Variants in SCAP observed in about 807,000 individuals in gnomAD.
SCAP encodes the protein sterol regulatory element-binding protein cleavage-activating protein.
In SCAP, 65 loss-of-function variants were observed where a neutral mutation model predicts 123.6. The observed-to-expected ratio is 0.53, with a 90% CI of 0.43 to 0.65. The LOEUF (loss-of-function observed/expected upper bound fraction) is 0.65. Among genes scored for constraint, SCAP ranks in the 30% least tolerant of loss-of-function variants. The pLI is 0.00. For synonymous variants in SCAP, 740 were observed against 726.3 expected (o/e 1.02, Z -0.30); for missense variants, 1,398 against 1,712.5 (o/e 0.82, Z 3.24).
intron 2 of SCAP, among the ~76,000 whole-genome samples, chr3:47,438,884 G>A (rs1706691487): frequency 6.6e-6 from 1 of 151,968 alleles, no homozygotes; most frequent in Non-Finnish European, 1.5e-5. Context: ...AGTATAGTCA[G>A]TTTTTGTTCT....
In SCAP at chr3:47,418,244, G is replaced by C; in HGVS notation, c.2337C>G (p.Ile779Met). The C allele has an allele frequency of 6.4e-7, 1 of 1,564,916 alleles. No homozygotes were observed. ...PLVLRGHLMD[I>M]ECLASDGMLL... ...GCATGCCGTCGCTGGCCAGGCACTC[G>C]ATGTCCTGCAGAAGCCCGGTGTTGG... is the stretch of plus-strand genomic sequence containing the variant. The change falls in exon 16 of 23, where the codon ATC (isoleucine) becomes ATG (methionine). Residue 779 changes from isoleucine (I) to methionine (M), a missense_variant. By Grantham distance (10) the Ile-to-Met change is conservative. Coordinates refer to ENST00000265565, the MANE Select transcript of SCAP (RefSeq NM_012235.4).
Position 47,414,067 on chromosome 3 carries a change from G to C in SCAP, c.3627C>G (p.Ile1209Met). Reference protein sequence around the residue: ...DLGCGASLGVISDNLLVTGGQ... With the variant: ...DLGCGASLGVMSDNLLVTGGQ... The stretch of plus-strand genomic sequence containing the variant: ...CGCCAGTCACCAGCAGGTTGTCTGA[G>C]ATGACACCCAAGCTTGCACCACAGC... The change falls in exon 23 of 23, where the codon ATC (isoleucine) becomes ATG (methionine). Residue 1209 changes from isoleucine to methionine, a missense_variant. Physicochemically the swap from Ile to Met is conservative, Grantham distance 10. Around this residue, in one of 7 missense-constraint regions of SCAP, gnomAD observed 130 missense variants for 166.7 expected, o/e 0.78. Transcript: ENST00000265565. The C allele has an allele frequency of 1.9e-6, 3 of 1,613,410 alleles. No individual in the cohort carries two copies. Among genetic ancestry groups the C allele is most frequent in the Non-Finnish European group, 8.5e-7 (1 of 1,180,026 alleles).
chr3:47,418,626 T>TTCCCCCCCCCCC, intron 14 of SCAP, 29 bp downstream of exon 14: 1 of 1,459,576 alleles, frequency 6.9e-7, no homozygotes, highest in Non-Finnish European at 9.5e-7. Flanking sequence ...CCGCACTCTT[T>TTCCCCCCCCCCC]CCCACCCCAC....
In SCAP at chr3:47,451,918, C is replaced by T. The variant is rs1315723275; in HGVS notation, c.-98-8827G>A. 3.4e-5 allele frequency among the ~76,000 whole-genome samples: 2 copies of T among 59,560 alleles called. 1 individual carries two copies. Among genetic ancestry groups the T allele is most frequent in the African/African-American group, 9.4e-5 (2 of 21,200 alleles). The allele number at this position is 59,560 out of a possible 152,430, so 39.1% of individuals were successfully genotyped here. On this transcript the variant is annotated intron_variant, in intron 1 of 22. Coordinates refer to ENST00000265565, the MANE Select transcript of SCAP (RefSeq NM_012235.4). ...TCCCTGTTCTGGTTTCTTCCAATGC[C>T]TTATGTGTGCCAACCTCATTCCCAT... is the stretch of plus-strand genomic sequence containing the variant.
In SCAP at chr3:47,418,714, C is replaced by T; in HGVS notation, c.2070G>A (p.Trp690Ter). Residue 690 changes from tryptophan to a stop codon, truncating the protein, a stop_gained, in exon 14 of 23, where the codon TGG (tryptophan) becomes TGA (stop). Coordinates refer to ENST00000265565, the MANE Select transcript of SCAP (RefSeq NM_012235.4). LOFTEE classifies it high-confidence loss of function. ...CACCTGGGCCCTTGGGTCCTGCTTC[C>T]CAGTGCCCAGCAGGTATGGGCCCCG... is the stretch of plus-strand genomic sequence containing the variant. ...PPPGPIPAGH[W>*]EAGPKGPGGV... The T allele has an allele frequency of 6.2e-7, 1 of 1,608,740 alleles. No individual in the cohort carries two copies. Among genetic ancestry groups the T allele is most frequent in the Non-Finnish European group, 8.5e-7 (1 of 1,178,252 alleles).
chr3:47,434,161 A>G (rs1291854953), intron 3 of SCAP, among the ~76,000 whole-genome samples: 1 of 152,212 alleles, frequency 6.6e-6, no homozygotes, highest in Non-Finnish European at 1.5e-5. Flanking sequence ...AAGTTACCTG[A>G]CTACTACGTT....
intron 1 of SCAP, among the ~76,000 whole-genome samples, chr3:47,463,313 G>A (rs1367627268): frequency 1.3e-5 from 2 of 152,146 alleles, no homozygotes; most frequent in Admixed American, 6.6e-5. Context: ...ACTGACCATG[G>A]GGACAGCAGG....
chr3:47,414,299 G>A lies in SCAP; in HGVS notation c.3475C>T (p.His1159Tyr). Residue 1159 changes from histidine (H) to tyrosine (Y), a missense_variant, in exon 22 of 23, where the codon CAC becomes TAC. His to Tyr is a moderately conservative substitution (Grantham distance 83). This residue lies in a region of SCAP where 130 missense variants were observed against 166.7 expected (regional missense o/e 0.78). Transcript: ENST00000265565. ...GTAAGGGAGGTGACATCCCCACGGT[G>A]AGCAAACACATGGCTGACCCGGCTG... ...TGSRVSHVFA[H>Y]RGDVTSLTCT... is the part of the protein sequence containing the mutation. The A allele has an allele frequency of 6.2e-7, 1 of 1,613,324 alleles. No homozygotes were observed. Among genetic ancestry groups the A allele is most frequent in the Non-Finnish European group, 8.5e-7 (1 of 1,180,026 alleles).
At chr3:47,471,054 G>A (rs1000595424) in intron 1 of SCAP, among the ~76,000 whole-genome samples, 7 of 152,076 alleles carry the variant, frequency 4.6e-5, no homozygotes, top group African/African-American at 1.4e-4. Flanking sequence ...CTGAGTGATA[G>A]GTACACAAGG....
intron 1 of SCAP, among the ~76,000 whole-genome samples, chr3:47,464,973 C>T (rs1336146974): frequency 6.6e-6 from 1 of 152,038 alleles, no homozygotes; most frequent in Non-Finnish European, 1.5e-5. Flanking sequence ...TGTTCACTGA[C>T]AGTGAACAAT....
At chr3:47,429,097 T>C (rs1706258721) in intron 3 of SCAP, 2 of 180,402 alleles carry the variant, frequency 1.1e-5, no homozygotes, top group Non-Finnish European at 2.4e-5. Flanking sequence ...CTGCTAATCC[T>C]AGTATCCACC....
rs1241423321 is a variant in SCAP, at chr3:47,417,597, G to A, written c.2677C>T (p.Pro893Ser). The A allele has an allele frequency of 1.2e-6, 2 of 1,600,540 alleles. No individual in the cohort carries two copies. The highest frequency in any genetic ancestry group is 1.7e-5 in the Admixed American group (1 of 57,860). The change falls in exon 17 of 23, where the codon CCC becomes TCC. Residue 893 changes from proline (P) to serine (S), a missense_variant. Pro to Ser is a moderately conservative substitution (Grantham distance 74). Coordinates refer to ENST00000265565, the MANE Select transcript of SCAP (RefSeq NM_012235.4). ...CAGACCGCCCGGTGCCGGGGCTCGG[G>A]CTGAGTGGGCTGTGAGGACCGAGGC... ...AQPRSSQPTQ[P>S]EPRHRAVCGR... is the part of the protein sequence containing the mutation.
chr3:47,418,420 C>G lies in SCAP; in HGVS notation c.2232G>C (p.Gly744=), dbSNP rs1472166211. 1.9e-6 allele frequency: 3 copies of G among 1,582,666 alleles called. No individual in the cohort carries two copies. In the South Asian group the frequency reaches 3.4e-5, roughly 18 times the overall value. The stretch of plus-strand genomic sequence containing the variant: ...GCTCCCCGCGCCTCCGCCGCCCGGG[C>G]CCACCACCCAGCTGCCCGTAGTTGC... The part of the protein sequence containing the change: ...CPRNYGQLGG[G]PGRRRRGELP... Residue 744 remains glycine (G), a synonymous_variant, in exon 15 of 23, where the codon GGG becomes GGC. Transcript: ENST00000265565.
intron 3 of SCAP, among the ~76,000 whole-genome samples, chr3:47,434,608 C>T (rs964703972): frequency 2.6e-5 from 4 of 152,144 alleles, no homozygotes; most frequent in Non-Finnish European, 4.4e-5. Flanking sequence ...GAGGCCAAGG[C>T]GGGTAGATCA....
rs565467436 is a variant in SCAP, at chr3:47,413,866, C to T, written c.3828G>A (p.Glu1276=). The T allele has an allele frequency of 5.9e-5, 95 of 1,612,946 alleles. No individual in the cohort carries two copies. In the East Asian group the frequency reaches 1.6e-3, roughly 27 times the overall value. The change falls in exon 23 of 23, where the codon GAG becomes GAA. Residue 1276 remains glutamate (E), a synonymous_variant. Coordinates refer to ENST00000265565, the MANE Select transcript of SCAP (RefSeq NM_012235.4). ...LSLVYVPSVL[E]KLD Reference sequence around the variant, plus strand: ...GGAGGCCCTGCGCTCAGTCCAGCTTCTCCAGCACAGAGGGCACATACACCA... The same window carrying T: ...GGAGGCCCTGCGCTCAGTCCAGCTTTTCCAGCACAGAGGGCACATACACCA...
Position 47,418,523 on chromosome 3 carries a change from C to G in SCAP, c.2130-1G>C. The G allele has an allele frequency of 6.3e-7, 1 of 1,587,900 alleles. No individual in the cohort carries two copies. Among genetic ancestry groups the G allele is most frequent in the Non-Finnish European group, 8.6e-7 (1 of 1,167,990 alleles). ...GGTGGCCAGGCCCAGCGCCGCCACCCTGCACGGGAGGGCGGACTGCTGTGA... is the reference window on the plus strand; with the variant it reads ...GGTGGCCAGGCCCAGCGCCGCCACCGTGCACGGGAGGGCGGACTGCTGTGA... On this transcript the variant is annotated splice_acceptor_variant, in intron 14 of 22. Transcript: ENST00000265565. LOFTEE classifies it high-confidence loss of function.
At chr3:47,468,963 T>C (rs1707938378) in intron 1 of SCAP, among the ~76,000 whole-genome samples, 1 of 152,240 alleles carries the variant, frequency 6.6e-6, no homozygotes, top group South Asian at 2.1e-4. Flanking sequence ...AGTTTCTATG[T>C]AGAATAATGA....
intron 1 of SCAP, among the ~76,000 whole-genome samples, chr3:47,462,817 G>A (rs1707696093): frequency 6.6e-6 from 1 of 150,970 alleles, no homozygotes; most frequent in Admixed American, 6.6e-5. Flanking sequence ...CTAGTTGTGA[G>A]TGACATCATG....
chr3:47,418,711 T>C lies in SCAP; in HGVS notation c.2073A>G (p.Glu691=), dbSNP rs1396071026. The part of the protein sequence containing the change: ...PPGPIPAGHW[E]AGPKGPGGVQ... ...CCCCACCTGGGCCCTTGGGTCCTGC[T>C]TCCCAGTGCCCAGCAGGTATGGGCC... Residue 691 remains glutamate (E), a synonymous_variant, in exon 14 of 23, where the codon GAA becomes GAG. Coordinates refer to ENST00000265565, the MANE Select transcript of SCAP (RefSeq NM_012235.4). 1 of 1,593,046 alleles carries C rather than the reference T, an allele frequency of 6.3e-7. No homozygotes were observed. The highest frequency in any genetic ancestry group is 2.3e-5 in the East Asian group (1 of 43,278).
Sources: gnomAD v4.1 joint callset for allele counts (sites outside exome capture counted in the v4.1 genomes callset) on GRCh38, gnomAD v4.1.1 for gene constraint, gnomAD v4.1.1 regional missense constraint, MANE v1.5 for transcripts, NCBI Gene and HGNC (gene_info 2026-07-23, HGNC 2026-07-21) for gene names.